HEG1: variants seen among roughly 807,000 people sequenced by gnomAD.
HEG1 encodes the protein heart development protein with EGF like domains 1, also known as protein HEG homolog 1.
Under a neutral mutation model 125.6 loss-of-function variants are expected in HEG1, and 56 were observed. That is an observed-to-expected ratio of 0.45 (90% CI 0.36 to 0.56). HEG1 has a LOEUF of 0.56. Among genes scored for constraint, HEG1 ranks in the 20% least tolerant of loss-of-function variants. HEG1 has a pLI of 0.00. For missense variants in HEG1, 1,523 were observed against 1,670.0 expected (o/e 0.91, Z 1.53); for synonymous variants, 644 against 668.5 (o/e 0.96, Z 0.57).
Position 125,012,821 on chromosome 3 carries a change from C to T in HEG1, c.2758G>A (p.Val920Ile). Residue 920 changes from valine to isoleucine, a missense_variant, in exon 6 of 17, where the codon GTA becomes ATA. Physicochemically the swap from Val to Ile is conservative, Grantham distance 29. Coordinates refer to ENST00000311127, the MANE Select transcript of HEG1 (RefSeq NM_020733.2). ...ATTGLIPLTS[V>I]PTSAKEMTTK... ...GTCATTTCTTTTGCTGATGTGGGTA[C>T]ACTGGTCAAAGGGATCAATCCAGTG... 6.2e-7 allele frequency: 1 copy of T among 1,614,016 alleles called. No individual in the cohort carries two copies. Among genetic ancestry groups the T allele is most frequent in the Non-Finnish European group, 8.5e-7 (1 of 1,179,876 alleles).
intron 16 of HEG1, among the ~76,000 whole-genome samples, chr3:124,972,737 T>C (rs1320441569): frequency 6.6e-6 from 1 of 152,194 alleles, no homozygotes; most frequent in Non-Finnish European, 1.5e-5. Flanking sequence ...GTGTTTGCTT[T>C]ATGGTTGATA....
At chr3:124,993,360 A>G (rs1936862921) in intron 12 of HEG1, among the ~76,000 whole-genome samples, 1 of 152,176 alleles carries the variant, frequency 6.6e-6, no homozygotes, top group African/African-American at 2.4e-5. Context: ...GTAGAGCATA[A>G]TTGCATCCTG....
intron 14 of HEG1, among the ~76,000 whole-genome samples, chr3:124,990,341 GT>G (rs67222660): frequency 0.34 from 48,808 of 143,170 alleles, 8,667 homozygotes; most frequent in South Asian, 0.42. Context: ...TGTTTTTTGG[GT>G]TTTTTTTTTT....
intron 15 of HEG1, among the ~76,000 whole-genome samples, chr3:124,975,649 C>T (rs895647469): frequency 2.0e-5 from 3 of 152,186 alleles, no homozygotes; most frequent in Admixed American, 2.0e-4. Context: ...GAAGAAACCC[C>T]ATACCCCTTA....
intron 14 of HEG1, among the ~76,000 whole-genome samples, chr3:124,979,867 AG>A (rs1936618507): frequency 6.6e-6 from 1 of 152,244 alleles, no homozygotes; most frequent in Non-Finnish European, 1.5e-5. Flanking sequence ...GAATGAAGAC[AG>A]GCAACAGGTA....
At chr3:125,046,642 A>G (rs1316001652) in intron 1 of HEG1, among the ~76,000 whole-genome samples, 5 of 152,156 alleles carry the variant, frequency 3.3e-5, no homozygotes, top group Non-Finnish European at 5.9e-5. Flanking sequence ...ATACATTTCC[A>G]TCCCTTGATA....
rs761684427 is a variant in HEG1, at chr3:125,012,778, G to A, written c.2801C>T (p.Thr934Ile). The change falls in exon 6 of 17, where the codon ACA becomes ATA. Residue 934 changes from threonine to isoleucine, a missense_variant. Transcript: ENST00000311127. ...AKEMTTKLGV[T>I]AEYSPASRSL... ...ACGTGAAGCTGGGCTGTACTCTGCTGTAACGCCAAGCTTTGTGGTCATTTC... is the reference window on the plus strand; with the variant it reads ...ACGTGAAGCTGGGCTGTACTCTGCTATAACGCCAAGCTTTGTGGTCATTTC... 3.1e-6 allele frequency: 5 copies of A among 1,613,956 alleles called. No individual in the cohort carries two copies. The African/African-American group carries it at 6.7e-5, about 22-fold the overall frequency.
chr3:125,041,608 A>C (rs1390410461), intron 1 of HEG1, among the ~76,000 whole-genome samples: 1 of 152,206 alleles, frequency 6.6e-6, no homozygotes, highest in East Asian at 1.9e-4. Context: ...CTATATGCAA[A>C]AGAATTGAAA....
In HEG1 at chr3:125,029,237, G is replaced by A; in HGVS notation, c.568C>T (p.Leu190=). 6.2e-7 allele frequency: 1 copy of A among 1,613,330 alleles called. No individual in the cohort carries two copies. Among genetic ancestry groups the A allele is most frequent in the Non-Finnish European group, 8.5e-7 (1 of 1,179,672 alleles). ...NFTILPVGYS[L]EIATALTSQS... ...GAAGTCAGAGCTGTTGCTATCTCCAGTGAGTACCCAACAGGCAAAATGGTG... is the reference window on the plus strand; with the variant it reads ...GAAGTCAGAGCTGTTGCTATCTCCAATGAGTACCCAACAGGCAAAATGGTG... Residue 190 remains leucine (L), a synonymous_variant, in exon 2 of 17, where the codon CTG becomes TTG. Transcript: ENST00000311127.
intron 1 of HEG1, among the ~76,000 whole-genome samples, chr3:125,033,671 G>A (rs1320887914): frequency 6.6e-6 from 1 of 152,108 alleles, no homozygotes. Flanking sequence ...ACTTTCAAAG[G>A]GTAAACTTTA....
rs145359103 is a variant in HEG1 at position 125,046,328 on chromosome 3, C to G, written c.316+9247G>C. On this transcript the variant is annotated intron_variant, in intron 1 of 16. Transcript: ENST00000311127. ...TTATTCCATCAATACTGTTATTGCT[C>G]AAACCATTTTCTAAAATTTGCTACT... 5.3e-3 allele frequency among the ~76,000 whole-genome samples: 800 copies of G among 151,888 alleles called. 6 individuals carry two copies. The highest frequency in any genetic ancestry group is 0.019 in the African/African-American group (767 of 41,396).
At chr3:125,016,575 AG>A (rs1937251102) in intron 5 of HEG1, among the ~76,000 whole-genome samples, 1 of 152,212 alleles carries the variant, frequency 6.6e-6, no homozygotes, top group African/African-American at 2.4e-5. Flanking sequence ...CTTAGGACAT[AG>A]ATAATGTGTT....
At chr3:125,026,679 C>T (rs1182863927) in intron 3 of HEG1, among the ~76,000 whole-genome samples, 2 of 152,178 alleles carry the variant, frequency 1.3e-5, no homozygotes, top group African/African-American at 2.4e-5. Context: ...ATTTCATGCA[C>T]CCCAAGGTAA....
At chr3:124,993,956 G>C (rs925703439) in intron 12 of HEG1, among the ~76,000 whole-genome samples, 7 of 152,104 alleles carry the variant, frequency 4.6e-5, no homozygotes, top group Non-Finnish European at 8.8e-5. Flanking sequence ...CGCTGTTCTG[G>C]GGAAACCTTG....
At chr3:125,043,850 C>T (rs1216082968) in intron 1 of HEG1, among the ~76,000 whole-genome samples, 1 of 152,062 alleles carries the variant, frequency 6.6e-6, no homozygotes, top group African/African-American at 2.4e-5. Flanking sequence ...CGAGGAAAAA[C>T]ATCCTGGTTC....
intron 5 of HEG1, among the ~76,000 whole-genome samples, chr3:125,014,551 G>T (rs1937214852): frequency 6.6e-6 from 1 of 152,144 alleles, no homozygotes; most frequent in African/African-American, 2.4e-5. Context: ...CTGGGGAGGG[G>T]TATTCACCTT....
intron 11 of HEG1, 98 bp downstream of exon 11, chr3:125,001,754 G>A (rs2107696094): frequency 7.5e-7 from 1 of 1,336,022 alleles, no homozygotes; most frequent in Middle Eastern, 2.6e-4. Context: ...GCTCTGTGAG[G>A]GCCTTTCCTG....
chr3:125,030,356 G>C (rs1039070369), intron 1 of HEG1, among the ~76,000 whole-genome samples: 1 of 152,182 alleles, frequency 6.6e-6, no homozygotes, highest in African/African-American at 2.4e-5. Context: ...TTATCTGAAG[G>C]AGATACTCAA....
rs759890966 is a variant in HEG1, at chr3:125,019,522, G to A, written c.1328C>T (p.Ser443Phe). Reference sequence around the variant, plus strand: ...ACCTCTCATGGGTGCGACTGACCTAGACACAGTCTCAGTCTGAGACATGGG... The same window carrying A: ...ACCTCTCATGGGTGCGACTGACCTAAACACAGTCTCAGTCTGAGACATGGG... ...GSPMSQTETV[S>F]RSVAPMRGGE... The change falls in exon 5 of 17, where the codon TCT (serine) becomes TTT (phenylalanine). Residue 443 changes from serine (S) to phenylalanine (F), a missense_variant. Physicochemically the swap from Ser to Phe is radical, Grantham distance 155. Coordinates refer to ENST00000311127, the MANE Select transcript of HEG1 (RefSeq NM_020733.2). 1 of 1,613,914 alleles carries A rather than the reference G, an allele frequency of 6.2e-7. No individual in the cohort carries two copies. The highest frequency in any genetic ancestry group is 1.1e-5 in the South Asian group (1 of 91,076).
Sources: allele counts gnomAD v4.1 joint callset (sites outside exome capture counted in the v4.1 genomes callset), GRCh38; gene constraint gnomAD v4.1.1; transcripts MANE v1.5; gene names NCBI Gene and HGNC (gene_info 2026-07-23, HGNC 2026-07-21).